The following DPF3 variants were observed in gnomAD, a reference collection of about 807,000 sequenced individuals.
The protein encoded by DPF3 is zinc finger protein DPF3.
In DPF3, 18 loss-of-function variants were observed where a neutral mutation model predicts 56.8. That is an observed-to-expected ratio of 0.32 (90% CI 0.22 to 0.47). The LOEUF is 0.47. DPF3 is among the 20% of genes least tolerant of loss of function. The probability of loss-of-function intolerance (pLI) is 1.00; values close to 1 mark genes in which losing one functional copy is unlikely to be tolerated. For synonymous variants in DPF3, 188 were observed against 180.2 expected, an observed-to-expected ratio of 1.04 and a Z score of -0.35; for missense variants, 403 against 488.8, an observed-to-expected ratio of 0.82 and a Z score of 1.65.
chr14:72,624,951 T>C (rs1038911440), intron 9 of DPF3, among the ~76,000 whole-genome samples: 1 of 152,254 alleles, frequency 6.6e-6, no homozygotes, highest in Non-Finnish European at 1.5e-5. Context: ...TGTAATGTTA[T>C]CTGTGATTAT....
chr14:72,711,734 G>A (rs1057361257), intron 6 of DPF3, among the ~76,000 whole-genome samples: 1 of 152,120 alleles, frequency 6.6e-6, no homozygotes, highest in Non-Finnish European at 1.5e-5. Context: ...AAACGACAAG[G>A]GGACCTGTAG....
At chr14:72,659,966 T>C (rs1886158257) in intron 8 of DPF3, among the ~76,000 whole-genome samples, 1 of 152,206 alleles carries the variant, frequency 6.6e-6, no homozygotes, top group African/African-American at 2.4e-5. Context: ...ACAAATGCTG[T>C]ATGATTCCAT....
At chr14:72,762,648 CA>C (rs919754655) in intron 2 of DPF3, among the ~76,000 whole-genome samples, 23 of 151,664 alleles carry the variant, frequency 1.5e-4, no homozygotes, top group Middle Eastern at 6.8e-3. Context: ...TACTTAATAA[CA>C]AAAAAATAAA....
chr14:72,848,882 C>T lies in DPF3; in HGVS notation c.32+45175G>A, dbSNP rs372768616. 1.6e-4 allele frequency among the ~76,000 whole-genome samples: 25 copies of T among 152,276 alleles called. No individual in the cohort carries two copies. In the East Asian group the frequency reaches 2.5e-3, roughly 15 times the overall value. On this transcript the variant is annotated intron_variant, in intron 1 of 10. Transcript: ENST00000556509. The stretch of plus-strand genomic sequence containing the variant: ...AATCAAAAGTTAGCTGAGGTTACTT[C>T]TTGTCTGATAAAAATAATGGGCTCC...
chr14:72,814,953 A>C (rs1307378190), intron 1 of DPF3, among the ~76,000 whole-genome samples: 1 of 152,228 alleles, frequency 6.6e-6, no homozygotes, highest in African/African-American at 2.4e-5. Context: ...CATAAAATGC[A>C]TGAGTCGTAA....
Position 72,616,429 on chromosome 14 carries a change from A to G in DPF3, c.*2868T>C, listed in dbSNP as rs1015996157. 2.9e-4 allele frequency among the ~76,000 whole-genome samples: 44 copies of G among 152,202 alleles called. 1 individual carries two copies. The highest frequency in any genetic ancestry group is 4.6e-4 in the Admixed American group (7 of 15,286). The stretch of plus-strand genomic sequence containing the variant: ...TGCAAGTCATGATTTCCTTGGTCGC[A>G]GCCCAGCCCTGGCAATATAAACTCC... On this transcript the variant is annotated 3_prime_UTR_variant, in exon 11 of 11. Coordinates refer to ENST00000556509, the MANE Select transcript of DPF3 (RefSeq NM_001280542.3).
At chr14:72,806,152 GAA>G (rs1882768131) in intron 1 of DPF3, 1 of 152,144 alleles carries the variant, frequency 6.6e-6, no homozygotes, top group Admixed American at 6.5e-5. Context: ...AACGTTTACT[GAA>G]AAGCTCCTCA....
chr14:72,829,307 C>G lies in DPF3; in HGVS notation c.33-57414G>C, dbSNP rs186270508. Among the ~76,000 whole-genome samples, 934 of 152,326 alleles carry G rather than the reference C, an allele frequency of 6.1e-3. 11 individuals carry two copies. Among genetic ancestry groups the G allele is most frequent in the African/African-American group, 0.022 (895 of 41,570 alleles). On this transcript the variant is annotated intron_variant, in intron 1 of 10. Transcript: ENST00000556509. Reference sequence around the variant, plus strand: ...AATAAATATTTGTTATTAAATCAAACTCCAGGAGCCCCAAGAACCCATCAC... The same window carrying G: ...AATAAATATTTGTTATTAAATCAAAGTCCAGGAGCCCCAAGAACCCATCAC...
intron 6 of DPF3, among the ~76,000 whole-genome samples, chr14:72,711,339 T>G (rs2153575335): frequency 6.6e-6 from 1 of 152,302 alleles, no homozygotes; most frequent in South Asian, 2.1e-4. Flanking sequence ...AAGTCACATA[T>G]TATTGGATCT....
intron 8 of DPF3, among the ~76,000 whole-genome samples, chr14:72,646,740 G>A (rs1885738310): frequency 6.6e-6 from 1 of 152,220 alleles, no homozygotes; most frequent in African/African-American, 2.4e-5. Flanking sequence ...ACCTCAGAGT[G>A]GAAATGTCCA....
chr14:72,691,018 G>A (rs998182938), intron 7 of DPF3, among the ~76,000 whole-genome samples: 1 of 152,192 alleles, frequency 6.6e-6, no homozygotes, highest in Admixed American at 6.5e-5. Flanking sequence ...GTACAGGTCA[G>A]TATCTTTTCC....
At chr14:72,773,496 T>C (rs1891627172) in intron 1 of DPF3, among the ~76,000 whole-genome samples, 1 of 152,226 alleles carries the variant, frequency 6.6e-6, no homozygotes, top group African/African-American at 2.4e-5. Context: ...GTGTACAGTT[T>C]AAGTGTACAG....
chr14:72,829,471 GCCT>G (rs1404675707), intron 1 of DPF3, among the ~76,000 whole-genome samples: 13 of 150,568 alleles, frequency 8.6e-5, no homozygotes, highest in African/African-American at 2.7e-4. Context: ...TGCAACCTCT[GCCT>G]CCCAGGTTCA....
intron 8 of DPF3, among the ~76,000 whole-genome samples, chr14:72,673,714 G>A (rs933052578): frequency 6.6e-6 from 1 of 152,166 alleles, no homozygotes; most frequent in Admixed American, 6.5e-5. Context: ...TTCTGTTTTA[G>A]AAAATGAGAT....
At chr14:72,629,561 C>CA in intron 9 of DPF3, 63 bp downstream of exon 9, 1 of 1,439,090 alleles carries the variant, frequency 6.9e-7, no homozygotes, top group Non-Finnish European at 9.4e-7. Context: ...CCTTCCTCTT[C>CA]ACCCCTCAAA....
rs1009657820 is a variant in DPF3, at chr14:72,610,554, A to T, written c.*8743T>A. ...GGCTGTCAGAGAAATTGAGCTTACAAATTGCCCTCACCCTGAACCCACTTG... is the reference window on the plus strand; with the variant it reads ...GGCTGTCAGAGAAATTGAGCTTACATATTGCCCTCACCCTGAACCCACTTG... On this transcript the variant is annotated 3_prime_UTR_variant, in exon 11 of 11. Coordinates refer to ENST00000556509, the MANE Select transcript of DPF3 (RefSeq NM_001280542.3). Among the ~76,000 whole-genome samples the T allele has an allele frequency of 6.6e-6, 1 of 152,206 alleles. No individual in the cohort carries two copies. Among genetic ancestry groups the T allele is most frequent in the African/African-American group, 2.4e-5 (1 of 41,446 alleles).
At position 72,720,886 on chromosome 14, in the gene DPF3, T is replaced by TA. The variant is rs201016523; in HGVS notation, c.525+2746dup. ...AAAATTTCCAGCAGCACATTTTTTT[T>TA]AAAAAAATAGATAGGTGCAATTAAT... On this transcript the variant is annotated intron_variant, in intron 5 of 10. Transcript: ENST00000556509. 1.2e-3 allele frequency among the ~76,000 whole-genome samples: 183 copies of TA among 152,142 alleles called. 1 individual carries two copies. Among genetic ancestry groups the TA allele is most frequent in the Admixed American group, 2.3e-3 (35 of 15,294 alleles).
In DPF3 at chr14:72,609,472, C is replaced by A. The variant is rs756367006; in HGVS notation, c.*9825G>T. 6.6e-6 allele frequency among the ~76,000 whole-genome samples: 1 copy of A among 152,178 alleles called. No homozygotes were observed. Among genetic ancestry groups the A allele is most frequent in the East Asian group, 1.9e-4 (1 of 5,194 alleles). ...TCTGGGAATCACAGAACCATCATGT[C>A]CCCTTAGGATGGCAGAAGATGTGGC... On this transcript the variant is annotated 3_prime_UTR_variant, in exon 11 of 11. Coordinates refer to ENST00000556509, the MANE Select transcript of DPF3 (RefSeq NM_001280542.3).
chr14:72,765,262 A>C (rs1891228690), intron 2 of DPF3, among the ~76,000 whole-genome samples: 2 of 152,182 alleles, frequency 1.3e-5, no homozygotes, highest in Admixed American at 1.3e-4. Context: ...AGTGTTGGCA[A>C]GGATACAAAG....
Sources: allele counts gnomAD v4.1 joint callset (sites outside exome capture counted in the v4.1 genomes callset), GRCh38; gene constraint gnomAD v4.1.1; transcripts MANE v1.5; gene names NCBI Gene and HGNC (gene_info 2026-07-23, HGNC 2026-07-21).